The following ADGRB3 variants were observed in gnomAD, a reference collection of about 807,000 sequenced individuals.
ADGRB3 encodes adhesion G protein-coupled receptor B3, also known as brain-specific angiogenesis inhibitor 3.
In ADGRB3, 37 loss-of-function variants were observed where a neutral mutation model predicts 193.4. That is an observed-to-expected ratio of 0.19 (90% CI 0.15 to 0.25). ADGRB3 has a LOEUF of 0.25. Ranked by LOEUF, ADGRB3 falls within the 10% of genes least tolerant of loss-of-function variation. ADGRB3 has a pLI of 1.00. For synonymous variants in ADGRB3, 690 were observed against 644.2 expected (o/e 1.07, Z -1.08); for missense variants, 1,637 against 1,852.9 (o/e 0.88, Z 2.14).
At chr6:69,088,079 G>A (rs190712508) in intron 17 of ADGRB3, among the ~76,000 whole-genome samples, 118 of 152,116 alleles carry the variant, frequency 7.8e-4, no homozygotes, top group Non-Finnish European at 1.4e-3. Context: ...TCCCTTTTAT[G>A]GATTTCTTTG....
intron 3 of ADGRB3, among the ~76,000 whole-genome samples, chr6:68,892,930 C>T (rs1766120357): frequency 6.6e-6 from 1 of 151,950 alleles, no homozygotes; most frequent in Non-Finnish European, 1.5e-5. Flanking sequence ...AGTAGAGTCC[C>T]CAGCCTCTCA....
At chr6:68,862,131 A>ACCCCC (rs34902902) in intron 3 of ADGRB3, among the ~76,000 whole-genome samples, 3 of 141,350 alleles carry the variant, frequency 2.1e-5, no homozygotes, top group Admixed American at 7.3e-5. Context: ...AGGAGGAGGG[A>ACCCCC]CCCCCCCCCC....
intron 20 of ADGRB3, among the ~76,000 whole-genome samples, chr6:69,248,546 C>G (rs1766546704): frequency 1.3e-5 from 2 of 152,154 alleles, no homozygotes. Context: ...GAGAGAACTC[C>G]TTTGACAAAT....
Position 68,813,037 on chromosome 6 carries a change from G to A in ADGRB3, c.758-117522G>A, listed in dbSNP as rs529506031. Among the ~76,000 whole-genome samples the A allele has an allele frequency of 2.0e-5, 3 of 152,248 alleles. No homozygotes were observed. In the South Asian group the frequency reaches 6.2e-4, roughly 32 times the overall value. Reference sequence around the variant, plus strand: ...GCTGTGTCCCTTTTCAAATCTCAACGTGAAGTGTATCTCCCAGAATTCCCA... The same window carrying A: ...GCTGTGTCCCTTTTCAAATCTCAACATGAAGTGTATCTCCCAGAATTCCCA... On this transcript the variant is annotated intron_variant, in intron 3 of 31. Coordinates refer to ENST00000370598, the MANE Select transcript of ADGRB3 (RefSeq NM_001704.3).
intron 20 of ADGRB3, among the ~76,000 whole-genome samples, chr6:69,253,130 G>T (rs1214099326): frequency 1.3e-5 from 2 of 151,222 alleles, no homozygotes; most frequent in African/African-American, 4.9e-5. Context: ...TTTCTCCATT[G>T]TTTCTGTGAT....
intron 15 of ADGRB3, among the ~76,000 whole-genome samples, chr6:69,052,456 T>C (rs1435385220): frequency 6.6e-6 from 1 of 152,246 alleles, no homozygotes; most frequent in Non-Finnish European, 1.5e-5. Flanking sequence ...TAATTATCTG[T>C]TGAAATATGT....
intron 3 of ADGRB3, among the ~76,000 whole-genome samples, chr6:68,926,094 A>G (rs1562088475): frequency 1.3e-5 from 2 of 152,138 alleles, no homozygotes; most frequent in Non-Finnish European, 2.9e-5. Flanking sequence ...AAGCAAGTTA[A>G]AGAAATGGTT....
chr6:68,697,724 G>C (rs995177748), intron 3 of ADGRB3, among the ~76,000 whole-genome samples: 3 of 151,744 alleles, frequency 2.0e-5, no homozygotes, highest in Non-Finnish European at 4.4e-5. Context: ...TTAATCTTTA[G>C]GATTTGGCAA....
chr6:69,097,322 C>T lies in ADGRB3; in HGVS notation c.2480+21284C>T, dbSNP rs566580217. Among the ~76,000 whole-genome samples, 15 of 152,248 alleles carry T rather than the reference C, an allele frequency of 9.9e-5. No homozygotes were observed. In the South Asian group the frequency reaches 2.9e-3, roughly 29 times the overall value. ...AAATGAACAGCTCTAAGCCACATGTCTTCACTTAAAGAAAGTATTTTTTAA... is the reference window on the plus strand; with the variant it reads ...AAATGAACAGCTCTAAGCCACATGTTTTCACTTAAAGAAAGTATTTTTTAA... On this transcript the variant is annotated intron_variant, in intron 17 of 31. Transcript: ENST00000370598.
chr6:69,131,173 T>A (rs900123141), intron 17 of ADGRB3, among the ~76,000 whole-genome samples: 3 of 152,110 alleles, frequency 2.0e-5, no homozygotes, highest in Non-Finnish European at 4.4e-5. Context: ...ATAAGATATT[T>A]AATTAGAAAT....
At chr6:68,715,163 A>C (rs1442293419) in intron 3 of ADGRB3, among the ~76,000 whole-genome samples, 1 of 151,748 alleles carries the variant, frequency 6.6e-6, no homozygotes, top group East Asian at 1.9e-4. Flanking sequence ...AAAGTACATT[A>C]ATATTAATAA....
At chr6:69,186,944 G>T (rs368882180) in intron 17 of ADGRB3, among the ~76,000 whole-genome samples, 23 of 137,776 alleles carry the variant, frequency 1.7e-4, no homozygotes, top group South Asian at 7.0e-4. Flanking sequence ...TTTGTTTTTT[G>T]TTTTTTTTTT....
At chr6:69,113,241 A>G (rs529337380) in intron 17 of ADGRB3, among the ~76,000 whole-genome samples, 6 of 152,158 alleles carry the variant, frequency 3.9e-5, no homozygotes, top group Non-Finnish European at 8.8e-5. Flanking sequence ...TGTATCACAC[A>G]TATTTATATG....
At chr6:69,272,639 A>G (rs987090622) in intron 20 of ADGRB3, among the ~76,000 whole-genome samples, 1 of 152,172 alleles carries the variant, frequency 6.6e-6, no homozygotes, top group African/African-American at 2.4e-5. Context: ...CTACTTTAGA[A>G]ACACAAAATT....
chr6:68,974,713 A>C lies in ADGRB3; in HGVS notation c.1526-50A>C, dbSNP rs376451529. ...TGCCTTTGACAATTGTTTATTGCCAAAATTTTTTAAACACTACTGACATTC... is the reference window on the plus strand; with the variant it reads ...TGCCTTTGACAATTGTTTATTGCCACAATTTTTTAAACACTACTGACATTC... On this transcript the variant is annotated intron_variant, in intron 8 of 31. Transcript: ENST00000370598. 74 of 1,548,394 alleles carry C rather than the reference A, an allele frequency of 4.8e-5. 1 individual carries two copies. The African/African-American group carries it at 7.1e-4, about 15-fold the overall frequency.
intron 20 of ADGRB3, among the ~76,000 whole-genome samples, chr6:69,240,672 GC>G (rs139145746): frequency 0.14 from 21,391 of 151,814 alleles, 1,562 homozygotes; most frequent in Middle Eastern, 0.16. Context: ...AAACAAAAAG[GC>G]AATGATAGGA....
chr6:68,816,054 A>G (rs1256564105), intron 3 of ADGRB3, among the ~76,000 whole-genome samples: 1 of 152,102 alleles, frequency 6.6e-6, no homozygotes, highest in Non-Finnish European at 1.5e-5. Flanking sequence ...TTAAAGATCA[A>G]ATAAAATTAA....
At chr6:69,088,600 C>T (rs2150316737) in intron 17 of ADGRB3, among the ~76,000 whole-genome samples, 1 of 152,332 alleles carries the variant, frequency 6.6e-6, no homozygotes, top group African/African-American at 2.4e-5. Context: ...TCTAAAATTC[C>T]TGACCTCAGG....
chr6:69,350,665 A>G (rs1391995916), intron 26 of ADGRB3, among the ~76,000 whole-genome samples: 1 of 152,176 alleles, frequency 6.6e-6, no homozygotes, highest in East Asian at 1.9e-4. Context: ...CCAAATGGTA[A>G]GTCAAAGAAT....
Sources: allele counts gnomAD v4.1 joint callset (sites outside exome capture counted in the v4.1 genomes callset), GRCh38; gene constraint gnomAD v4.1.1; transcripts MANE v1.5; gene names NCBI Gene and HGNC (gene_info 2026-07-23, HGNC 2026-07-21).